IGSF10: variants seen among roughly 807,000 people sequenced by gnomAD.
IGSF10 encodes calvaria mechanical force protein 608.
Under a neutral mutation model 128.2 loss-of-function variants are expected in IGSF10, and 126 were observed. The observed-to-expected ratio is 0.98, with a 90% CI of 0.85 to 1.14. The LOEUF (loss-of-function observed/expected upper bound fraction) is 1.14. IGSF10 is among the 50% of genes most tolerant of loss of function. IGSF10 has a pLI of 0.00. For missense variants in IGSF10, 3,295 were observed against 3,149.8 expected, an observed-to-expected ratio of 1.05 and a Z score of -1.10; for synonymous variants, 1,185 against 1,146.2, an observed-to-expected ratio of 1.03 and a Z score of -0.68.
Position 151,446,199 on chromosome 3 carries a change from T to C in IGSF10, c.3782A>G (p.Gln1261Arg), listed in dbSNP as rs1323748888. The stretch of plus-strand genomic sequence containing the variant: ...GGTAGTCAAGGTATTAGATGGAATT[T>C]GCATCACACTTGTTGAAAGTGTGGT... ...HFTTLSTSVM[Q>R]IPSNTLTTAH... is the part of the protein sequence containing the mutation. The change falls in exon 6 of 8, where the codon CAA (glutamine) becomes CGA (arginine). Residue 1261 changes from glutamine (Q) to arginine (R), a missense_variant. Physicochemically the swap from Gln to Arg is conservative, Grantham distance 43 (BLOSUM62 1). Transcript: ENST00000282466. The C allele has an allele frequency of 6.2e-7, 1 of 1,613,778 alleles. No homozygotes were observed. Among genetic ancestry groups the C allele is most frequent in the Admixed American group, 1.7e-5 (1 of 59,992 alleles).
At position 151,448,710 on chromosome 3, in the gene IGSF10, G is replaced by T. The variant is rs766634603; in HGVS notation, c.1271C>A (p.Ala424Glu). Residue 424 changes from alanine to glutamate, a missense_variant, in exon 6 of 8, where the codon GCA (alanine) becomes GAA (glutamate). Coordinates refer to ENST00000282466, the MANE Select transcript of IGSF10 (RefSeq NM_178822.5). ...GTCTTGCATTAACCAAGAGGGATCT[G>T]CTCTGAGATCTGCCTCTATGTTGGT... ...IFTNIEADLR[A>E]DPSWLMQDQI... The T allele has an allele frequency of 6.2e-7, 1 of 1,613,924 alleles. No individual in the cohort carries two copies. Among genetic ancestry groups the T allele is most frequent in the Non-Finnish European group, 8.5e-7 (1 of 1,179,816 alleles).
chr3:151,612,524 A>G, the IGSF10 span, among the ~76,000 whole-genome samples: 1 of 152,200 alleles, frequency 6.6e-6, no homozygotes, highest in African/African-American at 2.4e-5. Context: ...TAGAGCAATA[A>G]GAGTATAGAA....
the IGSF10 span, among the ~76,000 whole-genome samples, chr3:151,599,230 T>C: frequency 6.6e-6 from 1 of 151,992 alleles, no homozygotes; most frequent in Non-Finnish European, 1.5e-5. Flanking sequence ...TTCAGAGTTG[T>C]TAGAGCAAAA....
chr3:151,483,986 C>G, the IGSF10 span, among the ~76,000 whole-genome samples: 125,731 of 152,180 alleles, frequency 0.83, 52,015 homozygotes, highest in Middle Eastern at 0.93. Context: ...GCTGAAGCCA[C>G]CAAGCCAAGT....
rs769584404 is a variant in IGSF10, at chr3:151,445,250, G to T, written c.4731C>A (p.His1577Gln). The T allele has an allele frequency of 8.7e-6, 14 of 1,614,082 alleles. No homozygotes were observed. Among genetic ancestry groups the T allele is most frequent in the African/African-American group, 1.3e-5 (1 of 74,934 alleles). Reference sequence around the variant, plus strand: ...TTTCAGCAATTTCTGAGTATGGTTTGTGCCAAAATTGGTTTTCTGCCCAGG... The same window carrying T: ...TTTCAGCAATTTCTGAGTATGGTTTTTGCCAAAATTGGTTTTCTGCCCAGG... ...PSPWAENQFW[H>Q]KPYSEIAEKG... is the part of the protein sequence containing the mutation. Residue 1577 changes from histidine to glutamine, a missense_variant, in exon 6 of 8, where the codon CAC becomes CAA. His to Gln is a conservative substitution (Grantham distance 24). Transcript: ENST00000282466.
chr3:151,517,854 T>C, the IGSF10 span, among the ~76,000 whole-genome samples: 20 of 152,078 alleles, frequency 1.3e-4, 1 homozygote, highest in African/African-American at 4.8e-4. Flanking sequence ...TGCTTTTTTC[T>C]CTTGTAAACA....
chr3:151,598,708 AT>A, the IGSF10 span, among the ~76,000 whole-genome samples: 4 of 152,170 alleles, frequency 2.6e-5, no homozygotes, highest in South Asian at 8.3e-4. Flanking sequence ...ACAACCATCT[AT>A]TTTTTTTAAA....
At chr3:151,434,346 C>T (rs1226761229), downstream of IGSF10, 1 of 152,042 alleles carries the variant, frequency 6.6e-6, no homozygotes, top group Non-Finnish European at 1.5e-5. Flanking sequence ...TGCAAATGAC[C>T]TCAAATACAT....
rs376459860 is a variant in IGSF10 at position 151,446,352 on chromosome 3, A to C, written c.3629T>G (p.Val1210Gly). Residue 1210 changes from valine (V) to glycine (G), a missense_variant, in exon 6 of 8, where the codon GTA (valine) becomes GGA (glycine). Transcript: ENST00000282466. ...TCTGCCTTTTGGGTTATGGTTATTT[A>C]CAAAGTTCTGTTGCCAGGGAATTTT... ...RRKIPWQQNF[V>G]NNHNPKGRLR... 3.7e-6 allele frequency: 6 copies of C among 1,613,448 alleles called. No homozygotes were observed. The African/African-American group carries it at 4.0e-5, about 11-fold the overall frequency.
the IGSF10 span, among the ~76,000 whole-genome samples, chr3:151,510,593 A>G: frequency 6.6e-6 from 1 of 152,218 alleles, no homozygotes; most frequent in Non-Finnish European, 1.5e-5. Flanking sequence ...CCTCACCAGC[A>G]ATGGAACAAA....
the IGSF10 span, among the ~76,000 whole-genome samples, chr3:151,466,315 C>T: frequency 1.3e-5 from 2 of 152,148 alleles, no homozygotes; most frequent in South Asian, 2.1e-4. Flanking sequence ...TGAGTTTTCT[C>T]TCAGATTCTG....
chr3:151,523,337 A>C, the IGSF10 span, among the ~76,000 whole-genome samples: 3 of 152,168 alleles, frequency 2.0e-5, no homozygotes, highest in African/African-American at 7.2e-5. Flanking sequence ...ATATGGAACA[A>C]AAAAAGAGCC....
At chr3:151,489,336 G>A in the IGSF10 span, among the ~76,000 whole-genome samples, 1 of 152,338 alleles carries the variant, frequency 6.6e-6, no homozygotes, top group South Asian at 2.1e-4. Flanking sequence ...AGATGCTGGA[G>A]AGGATGTGAA....
chr3:151,599,127 G>A, the IGSF10 span, among the ~76,000 whole-genome samples: 1 of 152,208 alleles, frequency 6.6e-6, no homozygotes, highest in African/African-American at 2.4e-5. Context: ...GGCTGGCTGG[G>A]AGCCGTCGAG....
At chr3:151,607,809 G>A in the IGSF10 span, among the ~76,000 whole-genome samples, 5 of 151,340 alleles carry the variant, frequency 3.3e-5, no homozygotes, top group Non-Finnish European at 1.5e-5. Flanking sequence ...TACTCAGGAG[G>A]CTGAGGCAGG....
chr3:151,452,586 TTA>T (rs771346394), intron 5 of IGSF10, among the ~76,000 whole-genome samples: 22 of 152,148 alleles, frequency 1.4e-4, no homozygotes, highest in Non-Finnish European at 2.5e-4. Flanking sequence ...CAGTGTGTGA[TTA>T]TGTGTGTGCG....
the IGSF10 span, among the ~76,000 whole-genome samples, chr3:151,521,112 A>AGAGATC: frequency 6.6e-6 from 1 of 152,018 alleles, no homozygotes; most frequent in Non-Finnish European, 1.5e-5. Context: ...TCAAACCAAC[A>AGAGATC]GAGATCAAAA....
At chr3:151,592,602 A>G in the IGSF10 span, among the ~76,000 whole-genome samples, 1 of 152,176 alleles carries the variant, frequency 6.6e-6, no homozygotes. Flanking sequence ...CTTTGTCTCA[A>G]TGGGAGATAT....
chr3:151,520,741 A>G, the IGSF10 span, among the ~76,000 whole-genome samples: 1 of 151,990 alleles, frequency 6.6e-6, no homozygotes, highest in Middle Eastern at 3.4e-3. Flanking sequence ...CACTAAATAT[A>G]GAAATGAAAG....
Sources: allele counts gnomAD v4.1 joint callset (sites outside exome capture counted in the v4.1 genomes callset), GRCh38; gene constraint gnomAD v4.1.1; transcripts MANE v1.5; gene names NCBI Gene and HGNC (gene_info 2026-07-23, HGNC 2026-07-21).